Variants in CCDC3 observed in about 807,000 individuals in gnomAD.
CCDC3 encodes the protein coiled-coil domain-containing protein 3.
CCDC3 carries 24 observed loss-of-function variants against 21.4 expected under a neutral mutation model. That is an observed-to-expected ratio of 1.12 (90% confidence interval 0.81 to 1.58). The LOEUF (loss-of-function observed/expected upper bound fraction) is 1.58, where lower values mean the gene tolerates loss of function less well. Among genes scored for constraint, CCDC3 ranks in the 40% most tolerant of loss-of-function variants. The probability of loss-of-function intolerance (pLI) is 0.00; values close to 1 mark genes in which losing one functional copy is unlikely to be tolerated. For missense variants in CCDC3, 425 were observed against 360.9 expected (o/e 1.18, Z -1.44); for synonymous variants, 186 against 166.0 (o/e 1.12, Z -0.93).
intron 2 of CCDC3, among the ~76,000 whole-genome samples, chr10:12,950,243 G>C (rs1337750536): frequency 2.0e-5 from 3 of 152,168 alleles, no homozygotes; most frequent in African/African-American, 7.2e-5. Flanking sequence ...CTGCCTGCTG[G>C]AGCTTAATAA....
At chr10:13,076,259 C>T (rs981233983) in intron 3 of CCDC3, among the ~76,000 whole-genome samples, 5 of 152,176 alleles carry the variant, frequency 3.3e-5, no homozygotes, top group African/African-American at 1.2e-4. Context: ...AGCAATTCAG[C>T]CAACAGTAAT....
intron 3 of CCDC3, among the ~76,000 whole-genome samples, chr10:13,093,210 A>G (rs924734657): frequency 6.6e-5 from 10 of 152,160 alleles, no homozygotes; most frequent in Admixed American, 2.0e-4. Flanking sequence ...GTGGCTGGGG[A>G]GGCCTCACAA....
At chr10:12,960,308 T>C (rs748550696) in intron 2 of CCDC3, among the ~76,000 whole-genome samples, 5 of 152,198 alleles carry the variant, frequency 3.3e-5, no homozygotes, top group Non-Finnish European at 5.9e-5. Flanking sequence ...TCTGGAGTCA[T>C]TATTTCATTA....
chr10:12,900,053 C>T (rs922559358), intron 2 of CCDC3, among the ~76,000 whole-genome samples: 1 of 152,226 alleles, frequency 6.6e-6, no homozygotes. Flanking sequence ...AAGGGCAGTT[C>T]CCCTGAACAC....
chr10:12,936,007 T>C (rs1357341590), intron 2 of CCDC3, among the ~76,000 whole-genome samples: 1 of 152,048 alleles, frequency 6.6e-6, no homozygotes, highest in African/African-American at 2.4e-5. Context: ...AACAAACTTA[T>C]CTGTCAGATC....
chr10:12,945,774 T>C (rs1834907223), intron 2 of CCDC3, among the ~76,000 whole-genome samples: 1 of 152,208 alleles, frequency 6.6e-6, no homozygotes, highest in African/African-American at 2.4e-5. Context: ...AATGGAATCA[T>C]TTCTAGTAAA....
rs1477463825 is a variant in CCDC3, at chr10:12,920,206, C to CGA, written c.550-21529_550-21528dup. On this transcript the variant is annotated intron_variant, in intron 2 of 2. Coordinates refer to ENST00000378825, the MANE Select transcript of CCDC3 (RefSeq NM_031455.4). ...GGCACGTCTTACATGGCGGCAGGCACGAGAGAATGAGAGCCAAGTCAAAGG... is the reference window on the plus strand; with the variant it reads ...GGCACGTCTTACATGGCGGCAGGCACGAGAGAGAATGAGAGCCAAGTCAAAGG... 4.6e-5 allele frequency among the ~76,000 whole-genome samples: 7 copies of CGA among 152,088 alleles called. No individual in the cohort carries two copies. In the East Asian group the frequency reaches 1.2e-3, roughly 25 times the overall value.
At chr10:12,938,089 C>A (rs35714261) in intron 2 of CCDC3, among the ~76,000 whole-genome samples, 1 of 152,210 alleles carries the variant, frequency 6.6e-6, no homozygotes, top group Non-Finnish European at 1.5e-5. Flanking sequence ...TCATTGAAAC[C>A]TGGCTCCTTC....
intron 2 of CCDC3, among the ~76,000 whole-genome samples, chr10:12,900,391 G>A (rs1408648197): frequency 6.6e-6 from 1 of 151,772 alleles, no homozygotes; most frequent in Non-Finnish European, 1.5e-5. Context: ...CTCCATCATT[G>A]AGCCGGGCTG....
intron 2 of CCDC3, among the ~76,000 whole-genome samples, chr10:12,985,851 C>A (rs1835581184): frequency 6.6e-6 from 1 of 152,120 alleles, no homozygotes; most frequent in Non-Finnish European, 1.5e-5. Context: ...TACCAAAAGA[C>A]ACACGTGATA....
intron 3 of CCDC3, among the ~76,000 whole-genome samples, chr10:13,079,688 A>G (rs1837010357): frequency 6.6e-6 from 1 of 152,196 alleles, no homozygotes; most frequent in African/African-American, 2.4e-5. Flanking sequence ...AACATCACAC[A>G]AACGTCCAGT....
chr10:13,013,478 T>C (rs1486874891), intron 5 of CCDC3, among the ~76,000 whole-genome samples: 1 of 152,012 alleles, frequency 6.6e-6, no homozygotes, highest in East Asian at 1.9e-4. Flanking sequence ...CAATAGTAAA[T>C]ACAAGAATGA....
At chr10:12,907,571 G>A (rs1046195618) in intron 2 of CCDC3, among the ~76,000 whole-genome samples, 2 of 152,208 alleles carry the variant, frequency 1.3e-5, no homozygotes, top group Admixed American at 1.3e-4. Context: ...CTTGACCCGA[G>A]AGGAGGAGTT....
intron 5 of CCDC3, among the ~76,000 whole-genome samples, chr10:13,019,383 A>G (rs183384648): frequency 6.6e-6 from 1 of 152,318 alleles, no homozygotes; most frequent in East Asian, 1.9e-4. Context: ...AGCATCAGGA[A>G]AAAGTCCAAC....
At chr10:13,083,380 C>T (rs1160457588) in intron 3 of CCDC3, among the ~76,000 whole-genome samples, 1 of 152,178 alleles carries the variant, frequency 6.6e-6, no homozygotes, top group Non-Finnish European at 1.5e-5. Flanking sequence ...GAGGAGGGAA[C>T]CGTAGAAAGT....
chr10:12,995,517 C>T (rs944311392), intron 2 of CCDC3, among the ~76,000 whole-genome samples: 3 of 152,208 alleles, frequency 2.0e-5, no homozygotes, highest in Non-Finnish European at 4.4e-5. Context: ...GCTGGGAATA[C>T]AGGCGTGAGC....
chr10:13,042,904 C>A (rs1416835231), intron 5 of CCDC3, among the ~76,000 whole-genome samples: 3 of 55,008 alleles, frequency 5.5e-5, no homozygotes, highest in African/African-American at 7.6e-5. Context: ...GGGAGACTGT[C>A]TCAAAAAAAA....
At chr10:13,043,529 G>A (rs925635005) in intron 5 of CCDC3, among the ~76,000 whole-genome samples, 1 of 152,154 alleles carries the variant, frequency 6.6e-6, no homozygotes, top group African/African-American at 2.4e-5. Context: ...GGAGGTGGAG[G>A]TTGCAGTGAG....
chr10:13,069,611 A>C (rs1432763004), intron 4 of CCDC3, among the ~76,000 whole-genome samples: 1 of 152,152 alleles, frequency 6.6e-6, no homozygotes, highest in Non-Finnish European at 1.5e-5. Flanking sequence ...GATGCTACAG[A>C]GGGCCCCTGG....
Sources: gnomAD v4.1 joint callset for allele counts (sites outside exome capture counted in the v4.1 genomes callset) on GRCh38, gnomAD v4.1.1 for gene constraint, MANE v1.5 for transcripts, NCBI Gene and HGNC (gene_info 2026-07-23, HGNC 2026-07-21) for gene names.